The following NRXN3 variants were observed in gnomAD, a reference collection of about 807,000 sequenced individuals.
The protein encoded by NRXN3 is neurexin 3, also known as neurexin III.
Under a neutral mutation model 137.6 loss-of-function variants are expected in NRXN3, and 32 were observed. The ratio of observed to expected loss-of-function variants is 0.23; its 90% CI spans 0.18 to 0.31. The LOEUF is 0.31. NRXN3 is among the 10% of genes least tolerant of loss of function. The pLI is 1.00. For missense variants in NRXN3, 1,574 were observed against 2,062.5 expected, an observed-to-expected ratio of 0.76 and a Z score of 4.59; for synonymous variants, 798 against 784.5, an observed-to-expected ratio of 1.02 and a Z score of -0.29.
intron 16 of NRXN3, among the ~76,000 whole-genome samples, chr14:79,616,568 G>C (rs1174330306): frequency 6.6e-6 from 1 of 152,142 alleles, no homozygotes; most frequent in African/African-American, 2.4e-5. Context: ...TGCTATGCTT[G>C]TTACCTGGGT....
chr14:78,949,212 A>G (rs2099380681), intron 10 of NRXN3, among the ~76,000 whole-genome samples: 1 of 151,982 alleles, frequency 6.6e-6, no homozygotes, highest in South Asian at 2.1e-4. Flanking sequence ...AATTCACTCT[A>G]CTGCCAAGTT....
chr14:78,800,562 G>A (rs138191873), intron 8 of NRXN3, among the ~76,000 whole-genome samples: 1 of 152,136 alleles, frequency 6.6e-6, no homozygotes, highest in South Asian at 2.1e-4. Flanking sequence ...ACTTTTATCT[G>A]TAATCGCTTT....
chr14:78,402,994 A>G (rs2092215476), intron 4 of NRXN3, among the ~76,000 whole-genome samples: 1 of 152,208 alleles, frequency 6.6e-6, no homozygotes, highest in South Asian at 2.1e-4. Context: ...AACTCCATAT[A>G]TAGTATTCTG....
intron 16 of NRXN3, among the ~76,000 whole-genome samples, chr14:79,614,018 C>T (rs1293180777): frequency 1.3e-5 from 2 of 152,176 alleles, no homozygotes; most frequent in East Asian, 3.8e-4. Context: ...GCTTTATTTT[C>T]TAATAACAAT....
chr14:78,433,519 G>A (rs2093962140), intron 4 of NRXN3, among the ~76,000 whole-genome samples: 1 of 152,158 alleles, frequency 6.6e-6, no homozygotes, highest in African/African-American at 2.4e-5. Context: ...TGAGAGTTGG[G>A]ACCTTTAAGA....
intron 4 of NRXN3, among the ~76,000 whole-genome samples, chr14:78,524,616 C>A (rs2096348317): frequency 6.6e-6 from 1 of 152,106 alleles, no homozygotes; most frequent in African/African-American, 2.4e-5. Flanking sequence ...TATAGAATGG[C>A]CTTTGGGGAT....
intron 15 of NRXN3, among the ~76,000 whole-genome samples, chr14:79,448,993 C>T (rs745750336): frequency 3.9e-5 from 6 of 152,046 alleles, no homozygotes; most frequent in Non-Finnish European, 7.4e-5. Flanking sequence ...TCAAAATAAG[C>T]GCTTTATTGA....
At chr14:79,268,761 C>A (rs2078834230) in intron 15 of NRXN3, among the ~76,000 whole-genome samples, 1 of 152,210 alleles carries the variant, frequency 6.6e-6, no homozygotes, top group South Asian at 2.1e-4. Flanking sequence ...TGAGTATAGA[C>A]AAGTTACAAT....
At chr14:78,741,547 C>G (rs569977435) in intron 8 of NRXN3, among the ~76,000 whole-genome samples, 7 of 152,238 alleles carry the variant, frequency 4.6e-5, no homozygotes, top group Admixed American at 3.9e-4. Flanking sequence ...AAAAGCAGAA[C>G]CTATTTAATG....
chr14:78,510,840 T>C (rs1174907525), intron 4 of NRXN3, among the ~76,000 whole-genome samples: 2 of 152,208 alleles, frequency 1.3e-5, no homozygotes, highest in African/African-American at 4.8e-5. Context: ...TTGCTAACAC[T>C]GATATTTTAC....
At chr14:79,122,312 G>C (rs2653542) in intron 15 of NRXN3, among the ~76,000 whole-genome samples, 4,343 of 152,272 alleles carry the variant, frequency 0.029, 206 homozygotes, top group African/African-American at 0.099. Flanking sequence ...ATCACTGCAG[G>C]CTGAGGGAAG....
At chr14:78,581,868 A>G (rs181508448) in intron 4 of NRXN3, among the ~76,000 whole-genome samples, 1 of 152,306 alleles carries the variant, frequency 6.6e-6, no homozygotes, top group Admixed American at 6.5e-5. Context: ...ACCTGTTGCA[A>G]TTTGTATTTT....
rs569161892 is a variant in NRXN3 at position 79,644,219 on chromosome 14, C to T, written c.3445-19559C>T. 3.5e-4 allele frequency among the ~76,000 whole-genome samples: 48 copies of T among 136,008 alleles called. 2 individuals are homozygous for T. The highest frequency in any genetic ancestry group is 1.1e-3 in the African/African-American group (47 of 41,008). The allele number at this position is 136,008 out of a possible 152,430, so 89.2% of individuals were successfully genotyped here. ...TATCTGATGTGTAATGGCTAATTGG[C>T]TAAATTTCTTTCATAAATATTACAT... On this transcript the variant is annotated intron_variant, in intron 16 of 20. Transcript: ENST00000335750.
intron 1 of NRXN3, among the ~76,000 whole-genome samples, chr14:78,184,002 T>A (rs1461362748): frequency 6.6e-6 from 1 of 152,182 alleles, no homozygotes; most frequent in East Asian, 1.9e-4. Context: ...TTTATTTATT[T>A]TACAACAATT....
intron 10 of NRXN3, among the ~76,000 whole-genome samples, chr14:78,820,242 A>G (rs1178799120): frequency 7.1e-6 from 1 of 141,546 alleles, no homozygotes; most frequent in East Asian, 3.5e-4. Flanking sequence ...ACATATATAC[A>G]TATATATATA....
intron 19 of NRXN3, among the ~76,000 whole-genome samples, chr14:79,754,004 G>A (rs1006705228): frequency 1.3e-5 from 2 of 151,936 alleles, no homozygotes; most frequent in African/African-American, 4.8e-5. Context: ...ATGATTTAAA[G>A]TACATGGGAG....
intron 2 of NRXN3, among the ~76,000 whole-genome samples, chr14:78,260,854 A>G (rs1215201622): frequency 6.6e-6 from 1 of 152,200 alleles, no homozygotes. Flanking sequence ...AGACTAATAC[A>G]CAAGTCTTAT....
intron 15 of NRXN3, among the ~76,000 whole-genome samples, chr14:79,209,705 T>C (rs1266399240): frequency 6.6e-6 from 1 of 152,226 alleles, no homozygotes; most frequent in African/African-American, 2.4e-5. Context: ...GAGCTCTTTC[T>C]TATACCAGCG....
At chr14:79,204,008 A>G (rs1214655591) in intron 15 of NRXN3, among the ~76,000 whole-genome samples, 1 of 152,114 alleles carries the variant, frequency 6.6e-6, no homozygotes, top group Non-Finnish European at 1.5e-5. Flanking sequence ...CATGAAAGGC[A>G]GAGTTGGGTA....
Sources: allele counts gnomAD v4.1 joint callset (sites outside exome capture counted in the v4.1 genomes callset), GRCh38; gene constraint gnomAD v4.1.1; transcripts MANE v1.5; gene names NCBI Gene and HGNC (gene_info 2026-07-23, HGNC 2026-07-21).